Variants in SCN2A observed in about 807,000 individuals in gnomAD.
SCN2A encodes sodium voltage-gated channel alpha subunit 2, also known as sodium channel protein type 2 subunit alpha.
A neutral mutation model predicts 188.7 loss-of-function variants in SCN2A; 20 were observed. The observed-to-expected ratio is 0.11, with a 90% confidence interval of 0.07 to 0.15. SCN2A has a LOEUF of 0.15. SCN2A is among the 10% of genes least tolerant of loss of function. The probability of loss-of-function intolerance (pLI) is 1.00; values close to 1 mark genes in which losing one functional copy is unlikely to be tolerated. For missense variants in SCN2A, 1,278 were observed against 2,445.0 expected (o/e 0.52, Z 10.07); for synonymous variants, 804 against 833.1 (o/e 0.97, Z 0.60).
At chr2:165,323,771 A>C (rs1319095601) in intron 12 of SCN2A, among the ~76,000 whole-genome samples, 1 of 152,238 alleles carries the variant, frequency 6.6e-6, no homozygotes, top group Non-Finnish European at 1.5e-5. Flanking sequence ...AAAGCAAAGC[A>C]ACAATTTATC....
At chr2:165,387,157 T>C in intron 26 of SCN2A, 141 bp downstream of exon 26, 1 of 845,156 alleles carries the variant, frequency 1.2e-6, no homozygotes, top group Non-Finnish European at 1.9e-6. Context: ...GTTTTAGTTT[T>C]AGTTTGCCAT....
intron 1 of SCN2A, among the ~76,000 whole-genome samples, chr2:165,265,200 T>G (rs978530474): frequency 1.3e-5 from 2 of 151,986 alleles, no homozygotes; most frequent in African/African-American, 4.8e-5. Context: ...CTTTGTGGTT[T>G]TGATTTGCAT....
chr2:165,348,143 G>C (rs1699698137), intron 16 of SCN2A, among the ~76,000 whole-genome samples: 1 of 152,094 alleles, frequency 6.6e-6, no homozygotes, highest in Non-Finnish European at 1.5e-5. Flanking sequence ...CGTTTCACTT[G>C]AGGACAGTAG....
intron 23 of SCN2A, among the ~76,000 whole-genome samples, chr2:165,379,685 G>T (rs777889884): frequency 4.6e-5 from 7 of 151,728 alleles, no homozygotes; most frequent in Non-Finnish European, 8.9e-5. Flanking sequence ...TCGAAGAATA[G>T]CAGTTTTACA....
intron 1 of SCN2A, among the ~76,000 whole-genome samples, chr2:165,279,521 GATT>G (rs1320073384): frequency 2.6e-5 from 4 of 152,080 alleles, no homozygotes; most frequent in African/African-American, 4.8e-5. Flanking sequence ...TTTTTAGACA[GATT>G]ATTATTATAA....
rs567232567 is a variant in SCN2A at position 165,274,890 on chromosome 2, A to AT, written c.-51-20883_-51-20882insT. The stretch of plus-strand genomic sequence containing the variant: ...TTTCATCATCCTCCTTCTGTTCTCA[A>AT]GCCAAGGACATAGAATGGCAGAGAG... On this transcript the variant is annotated intron_variant, in intron 1 of 26. Transcript: ENST00000375437. Among the ~76,000 whole-genome samples, 476 of 152,236 alleles carry AT rather than the reference A, an allele frequency of 3.1e-3. 5 individuals carry two copies. The Middle Eastern group carries it at 0.034, about 11-fold the overall frequency.
At chr2:165,252,932 C>T (rs1307277694) in intron 1 of SCN2A, among the ~76,000 whole-genome samples, 1 of 151,908 alleles carries the variant, frequency 6.6e-6, no homozygotes, top group Non-Finnish European at 1.5e-5. Context: ...AAATCTTAAC[C>T]AAAATTTGGT....
chr2:165,343,000 T>C (rs1262907836), intron 15 of SCN2A, among the ~76,000 whole-genome samples: 4 of 152,208 alleles, frequency 2.6e-5, no homozygotes, highest in African/African-American at 7.2e-5. Flanking sequence ...TTGAAAGAGT[T>C]AACTGTACTA....
intron 14 of SCN2A, among the ~76,000 whole-genome samples, chr2:165,340,959 C>T (rs1251436949): frequency 2.0e-5 from 3 of 152,130 alleles, no homozygotes; most frequent in Non-Finnish European, 4.4e-5. Context: ...AGAAATGGAA[C>T]TGGCAAGTGT....
intron 1 of SCN2A, among the ~76,000 whole-genome samples, chr2:165,260,783 A>G (rs572213198): frequency 6.6e-6 from 1 of 152,024 alleles, no homozygotes; most frequent in African/African-American, 2.4e-5. Flanking sequence ...TCTGGCCGAC[A>G]TGAAGAAACC....
intron 1 of SCN2A, among the ~76,000 whole-genome samples, chr2:165,289,105 T>C (rs1034318318): frequency 3.3e-5 from 5 of 152,058 alleles, no homozygotes; most frequent in Admixed American, 3.3e-4. Context: ...TATAAAATTA[T>C]GTCCTCATCT....
chr2:165,342,435 T>C lies in SCN2A; in HGVS notation c.2528T>C (p.Val843Ala). 1.9e-6 allele frequency: 3 copies of C among 1,614,104 alleles called. No homozygotes were observed. The highest frequency in any genetic ancestry group is 2.5e-6 in the Non-Finnish European group (3 of 1,179,982). The change falls in exon 15 of 27, where the codon GTG (valine) becomes GCG (alanine). Residue 843 changes from valine to alanine, a missense_variant. Around this residue, in one of 17 missense-constraint regions of SCN2A, gnomAD observed 83 missense variants for 256.8 expected, o/e 0.32. Coordinates refer to ENST00000375437, the MANE Select transcript of SCN2A (RefSeq NM_001040142.2). Reference sequence around the variant, plus strand: ...TTAATGGAACTTGGTTTGGCAAATGTGGAAGGATTGTCAGTTCTCCGATCA... The same window carrying C: ...TTAATGGAACTTGGTTTGGCAAATGCGGAAGGATTGTCAGTTCTCCGATCA... ...LSLMELGLAN[V>A]EGLSVLRSFR...
intron 1 of SCN2A, among the ~76,000 whole-genome samples, chr2:165,276,881 T>C (rs1438801940): frequency 6.6e-6 from 1 of 152,098 alleles, no homozygotes; most frequent in Non-Finnish European, 1.5e-5. Context: ...ATCTTAAAAA[T>C]TAGTTCAATT....
At chr2:165,347,337 C>A (rs1699650651) in intron 16 of SCN2A, among the ~76,000 whole-genome samples, 1 of 151,720 alleles carries the variant, frequency 6.6e-6, no homozygotes. Context: ...CAAACTAACA[C>A]AGGAACAGAA....
chr2:165,313,969 A>G lies in SCN2A; in HGVS notation c.1244A>G (p.Tyr415Cys). 1.2e-6 allele frequency: 2 copies of G among 1,613,862 alleles called. No homozygotes were observed. Among genetic ancestry groups the G allele is most frequent in the Admixed American group, 1.7e-5 (1 of 59,990 alleles). The change falls in exon 10 of 27, where the codon TAT becomes TGT. Residue 415 changes from tyrosine to cysteine, a missense_variant. By Grantham distance (194) the Tyr-to-Cys change is radical. Transcript: ENST00000375437. ...CTGGTCATTTTCTTGGGCTCATTCT[A>G]TCTAATAAATTTGATCTTGGCTGTG... ...FVLVIFLGSF[Y>C]LINLILAVVA...
intron 16 of SCN2A, 110 bp downstream of exon 16, chr2:165,345,021 T>A: frequency 7.4e-7 from 1 of 1,345,914 alleles, no homozygotes; most frequent in East Asian, 2.4e-5. Flanking sequence ...CCACTTCCTA[T>A]TGTCTATTAC....
At chr2:165,345,555 T>G (rs1160526606) in intron 16 of SCN2A, among the ~76,000 whole-genome samples, 1 of 152,020 alleles carries the variant, frequency 6.6e-6, no homozygotes, top group Non-Finnish European at 1.5e-5. Context: ...TTTTTTTTTT[T>G]CTTTCCATTT....
chr2:165,349,617 T>C (rs564112216), intron 16 of SCN2A, among the ~76,000 whole-genome samples: 2 of 152,334 alleles, frequency 1.3e-5, no homozygotes, highest in Admixed American at 1.3e-4. Context: ...AGATATAGTT[T>C]ATAAAATAAT....
At chr2:165,380,986 G>A in intron 24 of SCN2A, 107 bp from the exon 25 acceptor site, 1 of 785,686 alleles carries the variant, frequency 1.3e-6, no homozygotes. Flanking sequence ...ACAGATATTA[G>A]TAACAATAGA....
Sources: gnomAD v4.1 joint callset for allele counts (sites outside exome capture counted in the v4.1 genomes callset) on GRCh38, gnomAD v4.1.1 for gene constraint, gnomAD v4.1.1 regional missense constraint, MANE v1.5 for transcripts, NCBI Gene and HGNC (gene_info 2026-07-23, HGNC 2026-07-21) for gene names.